Variants in XIRP2 observed in about 807,000 individuals in gnomAD.
XIRP2 encodes the protein xin actin-binding repeat-containing protein 2.
In XIRP2, 236 loss-of-function variants were observed where a neutral mutation model predicts 277.0. The ratio of observed to expected loss-of-function variants is 0.85; its 90% CI spans 0.77 to 0.95. The LOEUF is 0.95. Among genes scored for constraint, XIRP2 ranks in the 40% least tolerant of loss-of-function variants. The probability of loss-of-function intolerance (pLI) is 0.00; values close to 1 mark genes in which losing one functional copy is unlikely to be tolerated. For synonymous variants in XIRP2, 1,490 were observed against 1,416.5 expected, an observed-to-expected ratio of 1.05 and a Z score of -1.17; for missense variants, 4,640 against 4,157.5, an observed-to-expected ratio of 1.12 and a Z score of -3.19.
chr2:167,152,846 T>C (rs1692056398), intron 3 of XIRP2, among the ~76,000 whole-genome samples: 1 of 152,100 alleles, frequency 6.6e-6, no homozygotes, highest in African/African-American at 2.4e-5. Context: ...TTCTACAAAA[T>C]AGAAAGTTCT....
chr2:167,214,613 C>T (rs936894406), intron 4 of XIRP2, among the ~76,000 whole-genome samples: 10 of 152,010 alleles, frequency 6.6e-5, no homozygotes, highest in African/African-American at 2.4e-4. Context: ...GCTGCTCAGG[C>T]TGGAGTGCAG....
Position 167,246,414 on chromosome 2 carries a change from G to C in XIRP2, c.5022G>C (p.Lys1674Asn). The C allele has an allele frequency of 6.2e-7, 1 of 1,613,660 alleles. No individual in the cohort carries two copies. ...TGTTCTCTGAGGAAAGATCTGTAAA[G>C]AAAGGCATCTTAATTCAGGAAGATG... ...KNLFSEERSVKKGILIQEDEK... is the reference protein window; with the variant it reads ...KNLFSEERSVNKGILIQEDEK... Residue 1674 changes from lysine to asparagine, a missense_variant, in exon 9 of 11, where the codon AAG becomes AAC. By Grantham distance (94) the Lys-to-Asn change is moderately conservative (BLOSUM62 0). Transcript: ENST00000409195.
At chr2:167,210,288 A>G (rs1366509307) in intron 3 of XIRP2, among the ~76,000 whole-genome samples, 1 of 152,194 alleles carries the variant, frequency 6.6e-6, no homozygotes, top group Non-Finnish European at 1.5e-5. Context: ...GCCGCTTGTT[A>G]AAGGTGTGAT....
Position 167,259,065 on chromosome 2 carries a change from C to T in XIRP2, c.*1248C>T. ...AATTTACACTTTTTCTTTTCTAACA[C>T]CGTGAAAATCACTGCATTTTCCAAG... On this transcript the variant is annotated 3_prime_UTR_variant, in exon 11 of 11. Coordinates refer to ENST00000409195, the MANE Select transcript of XIRP2 (RefSeq NM_152381.6). The T allele has an allele frequency of 6.2e-7, 1 of 1,611,330 alleles. No homozygotes were observed. Among genetic ancestry groups the T allele is most frequent in the South Asian group, 1.1e-5 (1 of 90,972 alleles).
intron 2 of XIRP2, among the ~76,000 whole-genome samples, chr2:167,130,700 C>A (rs746708656): frequency 6.6e-6 from 1 of 151,988 alleles, no homozygotes; most frequent in Non-Finnish European, 1.5e-5. Flanking sequence ...CACAGTGTAT[C>A]ATTTCAATCG....
chr2:167,047,834 A>G (rs919995687), intron 2 of XIRP2, among the ~76,000 whole-genome samples: 1 of 151,976 alleles, frequency 6.6e-6, no homozygotes, highest in East Asian at 1.9e-4. Context: ...GAACAAAGTG[A>G]ATTTGGAGGG....
In XIRP2 at chr2:167,244,490, T is replaced by C; in HGVS notation, c.3098T>C (p.Ile1033Thr). 1.2e-6 allele frequency: 2 copies of C among 1,613,724 alleles called. No homozygotes were observed. The highest frequency in any genetic ancestry group is 1.7e-6 in the Non-Finnish European group (2 of 1,179,800). ...TRPIDQFDES[I>T]HKFQIIRGIS... ...CCCATTGACCAGTTTGATGAAAGCA[T>C]TCATAAATTTCAAATAATTAGAGGA... Residue 1033 changes from isoleucine to threonine, a missense_variant, in exon 9 of 11, where the codon ATT becomes ACT. Coordinates refer to ENST00000409195, the MANE Select transcript of XIRP2 (RefSeq NM_152381.6).
intron 2 of XIRP2, among the ~76,000 whole-genome samples, chr2:167,011,858 G>A (rs1408121696): frequency 4.6e-5 from 7 of 151,920 alleles, no homozygotes; most frequent in East Asian, 1.9e-4. Context: ...GTTTATTTGC[G>A]AAGAGGTGTT....
chr2:167,169,847 G>A (rs73021994), intron 3 of XIRP2, among the ~76,000 whole-genome samples: 15,025 of 152,060 alleles, frequency 0.099, 796 homozygotes, highest in South Asian at 0.15. Context: ...TTGAATATAT[G>A]GTTATGATGG....
intron 2 of XIRP2, among the ~76,000 whole-genome samples, chr2:167,015,979 C>T (rs780516286): frequency 6.6e-6 from 1 of 151,836 alleles, no homozygotes; most frequent in Admixed American, 6.6e-5. Flanking sequence ...ATCCAACTCT[C>T]TCTTCCATAA....
intron 2 of XIRP2, among the ~76,000 whole-genome samples, chr2:167,111,059 T>C (rs995909444): frequency 6.6e-6 from 1 of 152,138 alleles, no homozygotes; most frequent in Non-Finnish European, 1.5e-5. Context: ...GTTTATCAGA[T>C]CAAGGAGCTT....
chr2:166,891,377 G>A (rs909891829), intron 1 of XIRP2, among the ~76,000 whole-genome samples: 1 of 151,986 alleles, frequency 6.6e-6, no homozygotes, highest in African/African-American at 2.4e-5. Context: ...TCCTATTAGT[G>A]GGAAATTAAG....
At chr2:167,242,222 T>A (rs1695093492) in intron 8 of XIRP2, among the ~76,000 whole-genome samples, 2 of 152,276 alleles carry the variant, frequency 1.3e-5, no homozygotes, top group Admixed American at 1.3e-4. Flanking sequence ...CCAAGGAAAA[T>A]GAAACAACCC....
At chr2:167,146,319 G>A (rs1691864073) in intron 3 of XIRP2, among the ~76,000 whole-genome samples, 1 of 151,904 alleles carries the variant, frequency 6.6e-6, no homozygotes, top group Non-Finnish European at 1.5e-5. Context: ...GGCCAACATG[G>A]TGAAACCCCA....
chr2:167,005,841 G>A (rs1185800092), intron 2 of XIRP2, among the ~76,000 whole-genome samples: 1 of 151,422 alleles, frequency 6.6e-6, no homozygotes, highest in African/African-American at 2.4e-5. Context: ...AATTACAAAG[G>A]GCTTAAAAAT....
At chr2:167,046,589 G>C (rs931887454) in intron 2 of XIRP2, among the ~76,000 whole-genome samples, 1 of 151,978 alleles carries the variant, frequency 6.6e-6, no homozygotes, top group Non-Finnish European at 1.5e-5. Flanking sequence ...ATACTGTGCA[G>C]CCATAAAAAA....
rs2105332657 is a variant in XIRP2, at chr2:167,152,447, G to T, written c.562+16385G>T. ...AAGCACTCACGTTCAACAATTCTTT[G>T]AGTCCTCATTTCCTTATAAAGTCCG... On this transcript the variant is annotated intron_variant, in intron 3 of 10. Coordinates refer to ENST00000409195, the MANE Select transcript of XIRP2 (RefSeq NM_152381.6). Among the ~76,000 whole-genome samples the T allele has an allele frequency of 3.3e-5, 5 of 151,784 alleles. 2 individuals carry two copies. The South Asian group carries it at 1.0e-3, about 32-fold the overall frequency.
rs542201708 is a variant in XIRP2 at position 167,221,457 on chromosome 2, T to C, written c.858+3157T>C. ...CCTGGGCAACAAGAGCGAAACTCCA[T>C]CTCAAAAAAAAAAAAAAAAAAAAAA... On this transcript the variant is annotated intron_variant, in intron 5 of 10. Coordinates refer to ENST00000409195, the MANE Select transcript of XIRP2 (RefSeq NM_152381.6). 4.1e-3 allele frequency among the ~76,000 whole-genome samples: 346 copies of C among 84,722 alleles called. 4 individuals carry two copies. The highest frequency in any genetic ancestry group is 0.017 in the African/African-American group (327 of 18,964). The allele number at this position is 84,722 out of a possible 152,430, so 55.6% of individuals were successfully genotyped here.
intron 2 of XIRP2, among the ~76,000 whole-genome samples, chr2:166,961,075 C>T (rs1243748571): frequency 6.6e-6 from 1 of 151,738 alleles, no homozygotes; most frequent in Non-Finnish European, 1.5e-5. Context: ...TCTCTGGGCT[C>T]TGGGCTGTAT....
Sources: gnomAD v4.1 joint callset for allele counts (sites outside exome capture counted in the v4.1 genomes callset) on GRCh38, gnomAD v4.1.1 for gene constraint, MANE v1.5 for transcripts, NCBI Gene and HGNC (gene_info 2026-07-23, HGNC 2026-07-21) for gene names.